The following VPS13A variants were observed in gnomAD, a reference collection of about 807,000 sequenced individuals.
VPS13A encodes the protein vacuolar protein sorting 13 homolog A, also known as intermembrane lipid transfer protein VPS13A.
VPS13A carries 264 observed loss-of-function variants against 390.9 expected under a neutral mutation model. That is an observed-to-expected ratio of 0.68 (90% CI 0.61 to 0.75). The LOEUF (loss-of-function observed/expected upper bound fraction) is 0.75, where lower values mean the gene tolerates loss of function less well. VPS13A is among the 30% of genes least tolerant of loss of function. VPS13A has a pLI of 0.00. For synonymous variants in VPS13A, 1,231 were observed against 1,227.1 expected (o/e 1.00, Z -0.07); for missense variants, 3,409 against 3,733.9 (o/e 0.91, Z 2.27).
intron 23 of VPS13A, among the ~76,000 whole-genome samples, chr9:77,262,518 T>G (rs1159496511): frequency 6.6e-6 from 1 of 152,068 alleles, no homozygotes; most frequent in Non-Finnish European, 1.5e-5. Flanking sequence ...CGTGCCATGG[T>G]GGTTTGCTGC....
intron 44 of VPS13A, among the ~76,000 whole-genome samples, chr9:77,322,118 C>T (rs1005908482): frequency 6.6e-6 from 1 of 151,098 alleles, no homozygotes; most frequent in Non-Finnish European, 1.5e-5. Context: ...AGTATTCCAC[C>T]AGTTTTGCAA....
Position 77,178,016 on chromosome 9 carries a change from G to A in VPS13A, c.100+212G>A, listed in dbSNP as rs1823751031. The A allele has an allele frequency of 7.3e-6, 4 of 547,252 alleles. No homozygotes were observed. The East Asian group carries it at 1.3e-4, about 18-fold the overall frequency. The allele number at this position is 547,252 out of a possible 1,614,324, so 33.9% of individuals were successfully genotyped here. A position where few individuals can be genotyped will look rare whatever the true frequency, so the allele number is the denominator to read the frequency against. ...TGTTTATATTTTGGGGGAAAGGAGA[G>A]GGTCATGAGTGCGGGATGAAAAGGT... On this transcript the variant is annotated intron_variant, in intron 1 of 71. Coordinates refer to ENST00000360280, the MANE Select transcript of VPS13A (RefSeq NM_033305.3).
intron 55 of VPS13A, among the ~76,000 whole-genome samples, chr9:77,357,316 CAA>C (rs1156801817): frequency 1.1e-3 from 51 of 44,594 alleles, no homozygotes; most frequent in African/African-American, 1.9e-3. Flanking sequence ...GACTCTGTCT[CAA>C]AAAAAAAAAA....
intron 1 of VPS13A, among the ~76,000 whole-genome samples, chr9:77,199,485 C>T (rs1162683762): frequency 6.6e-6 from 1 of 152,112 alleles, no homozygotes; most frequent in Non-Finnish European, 1.5e-5. Context: ...CTTAGACATT[C>T]TGTTCTATTA....
chr9:77,316,277 C>T lies in VPS13A; in HGVS notation c.4734C>T (p.Val1578=). 6.2e-7 allele frequency: 1 copy of T among 1,613,210 alleles called. No individual in the cohort carries two copies. Among genetic ancestry groups the T allele is most frequent in the Non-Finnish European group, 8.5e-7 (1 of 1,179,426 alleles). The change falls in exon 39 of 72, where the codon GTC becomes GTT. Residue 1578 remains valine, a synonymous_variant. Transcript: ENST00000360280. Reference sequence around the variant, plus strand: ...CAAAAAATGATGCTCCTGCTTTAGTCATTACAACACAATGTGAAATTTGCT... The same window carrying T: ...CAAAAAATGATGCTCCTGCTTTAGTTATTACAACACAATGTGAAATTTGCT... ...DMTKNDAPAL[V]ITTQCEICYK...
In VPS13A at chr9:77,372,684, G is replaced by A. The variant is rs552461849; in HGVS notation, c.9077+1535G>A. On this transcript the variant is annotated intron_variant, in intron 67 of 71. Transcript: ENST00000360280. ...AAAGGGTATTCAGTTAGGAAAAGAG[G>A]AAGTCAAATTGTCCCTGTTTGCAGA... Among the ~76,000 whole-genome samples the A allele has an allele frequency of 1.7e-3, 257 of 152,170 alleles. 2 individuals are homozygous for A. The highest frequency in any genetic ancestry group is 5.6e-3 in the African/African-American group (232 of 41,504).
At chr9:77,378,324 C>G (rs1833226237) in intron 67 of VPS13A, among the ~76,000 whole-genome samples, 1 of 152,106 alleles carries the variant, frequency 6.6e-6, no homozygotes, top group Admixed American at 6.5e-5. Flanking sequence ...CAAATTCACT[C>G]TCTTTACTTG....
At chr9:77,345,468 T>G (rs1440747439) in intron 52 of VPS13A, among the ~76,000 whole-genome samples, 3 of 152,226 alleles carry the variant, frequency 2.0e-5, no homozygotes, top group Non-Finnish European at 4.4e-5. Context: ...TTTTTTCATG[T>G]GTTTAATATA....
At chr9:77,297,045 T>G (rs1406644935) in intron 33 of VPS13A, among the ~76,000 whole-genome samples, 2 of 152,104 alleles carry the variant, frequency 1.3e-5, no homozygotes, top group Non-Finnish European at 2.9e-5. Context: ...GGTTAGCGAT[T>G]TATCCGTTTT....
At chr9:77,408,294 A>AACTT (rs139937998) in intron 71 of VPS13A, among the ~76,000 whole-genome samples, 4,316 of 152,290 alleles carry the variant, frequency 0.028, 178 homozygotes, top group African/African-American at 0.097. Flanking sequence ...TATATCATGA[A>AACTT]ACTTACAGTA....
Position 77,315,408 on chromosome 9 carries a change from A to G in VPS13A, c.4568A>G (p.Glu1523Gly), listed in dbSNP as rs1829328398. ...FLQTVANVFL[E>G]AYTTGTAVET... is the part of the protein sequence containing the mutation. ...CAGACTGTTGCAAATGTCTTTCTTGAGGCCTACACCACAGGCACTGCTGTA... is the reference window on the plus strand; with the variant it reads ...CAGACTGTTGCAAATGTCTTTCTTGGGGCCTACACCACAGGCACTGCTGTA... Residue 1523 changes from glutamate to glycine, a missense_variant, in exon 38 of 72, where the codon GAG (glutamate) becomes GGG (glycine). Transcript: ENST00000360280. 6.2e-7 allele frequency: 1 copy of G among 1,613,844 alleles called. No homozygotes were observed. The highest frequency in any genetic ancestry group is 8.5e-7 in the Non-Finnish European group (1 of 1,179,870).
Position 77,221,291 on chromosome 9 carries a change from A to G in VPS13A, c.1096A>G (p.Lys366Glu). The G allele has an allele frequency of 4.3e-6, 7 of 1,613,528 alleles. No homozygotes were observed. The highest frequency in any genetic ancestry group is 5.9e-6 in the Non-Finnish European group (7 of 1,179,578). The change falls in exon 13 of 72, where the codon AAA (lysine) becomes GAA (glutamate). Residue 366 changes from lysine (K) to glutamate (E), a missense_variant. Lys to Glu is a moderately conservative substitution (Grantham distance 56). This residue lies in a region of VPS13A where 2,717 missense variants were observed against 2,917.4 expected (regional missense o/e 0.93). Coordinates refer to ENST00000360280, the MANE Select transcript of VPS13A (RefSeq NM_033305.3). Reference sequence around the variant, plus strand: ...ACATAGGCAAAAAGTGAAGCAATATAAAGAACTGTATAAAAAAAAGTTAAC... The same window carrying G: ...ACATAGGCAAAAAGTGAAGCAATATGAAGAACTGTATAAAAAAAAGTTAAC... Reference protein sequence around the residue: ...RKHRQKVKQYKELYKKKLTSK... With the variant: ...RKHRQKVKQYEELYKKKLTSK...
At chr9:77,202,284 G>T (rs1391752155) in intron 3 of VPS13A, among the ~76,000 whole-genome samples, 1 of 152,078 alleles carries the variant, frequency 6.6e-6, no homozygotes, top group South Asian at 2.1e-4. Flanking sequence ...ACTGTTTACT[G>T]TAAGAGGGGG....
At chr9:77,280,106 T>C (rs1019518340) in intron 26 of VPS13A, 53 bp from the exon 27 acceptor site, 21 of 1,376,440 alleles carry the variant, frequency 1.5e-5, no homozygotes, top group Non-Finnish European at 2.1e-5. Flanking sequence ...TGCTTGCATT[T>C]ATTTTCAGTT....
At chr9:77,299,040 T>TG (rs1231576760) in intron 33 of VPS13A, among the ~76,000 whole-genome samples, 1 of 152,154 alleles carries the variant, frequency 6.6e-6, no homozygotes, top group Admixed American at 6.5e-5. Context: ...TGCTTGTTTT[T>TG]TCAGGTTTGT....
At chr9:77,366,292 G>C (rs150803276) in intron 60 of VPS13A, among the ~76,000 whole-genome samples, 31 of 152,052 alleles carry the variant, frequency 2.0e-4, no homozygotes, top group Non-Finnish European at 3.2e-4. Flanking sequence ...AAAGAATTTT[G>C]AATCAAAATT....
chr9:77,205,516 AT>A (rs2131123808), intron 4 of VPS13A, 108 bp downstream of exon 4: 2 of 463,364 alleles, frequency 4.3e-6, no homozygotes, highest in South Asian at 1.7e-4. Context: ...TAATATTTAA[AT>A]TTGATATTTG....
intron 26 of VPS13A, among the ~76,000 whole-genome samples, chr9:77,277,376 A>C (rs988176235): frequency 6.6e-6 from 1 of 152,182 alleles, no homozygotes. Flanking sequence ...TTCATTATCA[A>C]CATCCTCCAC....
chr9:77,302,912 T>G lies in VPS13A; in HGVS notation c.3813-3T>G, dbSNP rs1391918358. 2 of 1,611,796 alleles carry G rather than the reference T, an allele frequency of 1.2e-6. No homozygotes were observed. Among genetic ancestry groups the G allele is most frequent in the Non-Finnish European group, 1.7e-6 (2 of 1,178,050 alleles). On this transcript the variant is annotated splice_region_variant and splice_polypyrimidine_tract_variant and intron_variant, in intron 33 of 71. Transcript: ENST00000360280. ...TTTAAAAGAATGTTATCTCTACTTATAGATCTCGATTTATTAATGATGCAT... is the reference window on the plus strand; with the variant it reads ...TTTAAAAGAATGTTATCTCTACTTAGAGATCTCGATTTATTAATGATGCAT...
Sources: allele counts gnomAD v4.1 joint callset (sites outside exome capture counted in the v4.1 genomes callset), GRCh38; gene constraint gnomAD v4.1.1; regional missense constraint gnomAD v4.1.1; transcripts MANE v1.5; gene names NCBI Gene and HGNC (gene_info 2026-07-23, HGNC 2026-07-21).